The following COL13A1 variants were observed in gnomAD, a reference collection of about 807,000 sequenced individuals.
COL13A1 encodes collagen type XIII alpha 1 chain.
In COL13A1, 89 loss-of-function variants were observed where a neutral mutation model predicts 130.9. The ratio of observed to expected loss-of-function variants is 0.68; its 90% CI spans 0.57 to 0.81. The LOEUF (loss-of-function observed/expected upper bound fraction) is 0.81, where lower values mean the gene tolerates loss of function less well. Among genes scored for constraint, COL13A1 ranks in the 30% least tolerant of loss-of-function variants. COL13A1 has a pLI of 0.00. For synonymous variants in COL13A1, 402 were observed against 341.6 expected, an observed-to-expected ratio of 1.18 and a Z score of -1.95; for missense variants, 879 against 934.6, an observed-to-expected ratio of 0.94 and a Z score of 0.78.
At chr10:69,815,467 G>T (rs981080042) in intron 1 of COL13A1, among the ~76,000 whole-genome samples, 17 of 152,214 alleles carry the variant, frequency 1.1e-4, no homozygotes, top group Admixed American at 2.0e-4. Context: ...AAACAGGAAG[G>T]CTTCTCTGCC....
At chr10:69,912,766 C>T (rs1305102692) in intron 17 of COL13A1, among the ~76,000 whole-genome samples, 7 of 152,194 alleles carry the variant, frequency 4.6e-5, no homozygotes, top group Admixed American at 2.6e-4. Context: ...CGTAAAGCCC[C>T]CTTCCTTCCT....
intron 18 of COL13A1, among the ~76,000 whole-genome samples, chr10:69,917,593 A>G (rs1003929758): frequency 1.1e-4 from 17 of 152,076 alleles, no homozygotes; most frequent in Non-Finnish European, 2.9e-5. Flanking sequence ...CCAAGTGGAG[A>G]GTAGGGGCCC....
At chr10:69,869,703 T>G (rs1378964794) in intron 3 of COL13A1, among the ~76,000 whole-genome samples, 2 of 152,230 alleles carry the variant, frequency 1.3e-5, no homozygotes, top group Non-Finnish European at 2.9e-5. Flanking sequence ...TTTAACATAA[T>G]GCATTAGTCA....
intron 9 of COL13A1, 101 bp from the exon 10 acceptor site, chr10:69,889,313 G>GGGAGGAGCACGGGGGA: frequency 7.1e-6 from 6 of 845,724 alleles, no homozygotes; most frequent in South Asian, 7.0e-5. Flanking sequence ...AGCACGGGGG[G>GGGAGGAGCACGGGGGA]CAGGGAGGAG....
intron 3 of COL13A1, among the ~76,000 whole-genome samples, chr10:69,871,075 C>G (rs542291315): frequency 6.6e-6 from 1 of 152,228 alleles, no homozygotes; most frequent in African/African-American, 2.4e-5. Context: ...ACCCTCCTCA[C>G]CCTGGCGCGT....
chr10:69,936,872 A>G, intron 33 of COL13A1, 90 bp downstream of exon 33: 1 of 1,529,932 alleles, frequency 6.5e-7, no homozygotes, highest in Non-Finnish European at 9.0e-7. Flanking sequence ...TTTTCCTAGA[A>G]GGCATTAGGT....
At chr10:69,931,391 G>A (rs1159272430) in intron 30 of COL13A1, 1 of 341,328 alleles carries the variant, frequency 2.9e-6, no homozygotes, top group South Asian at 2.2e-5. Context: ...GACCCAGCCT[G>A]GGAGCAGGCA....
intron 2 of COL13A1, among the ~76,000 whole-genome samples, chr10:69,854,674 A>G (rs908543023): frequency 7.2e-5 from 11 of 152,100 alleles, no homozygotes; most frequent in African/African-American, 2.4e-4. Flanking sequence ...GAGACCTGCC[A>G]AGGATGCCAA....
chr10:69,831,315 A>G (rs1848768055), intron 2 of COL13A1, among the ~76,000 whole-genome samples: 1 of 152,140 alleles, frequency 6.6e-6, no homozygotes, highest in Admixed American at 6.5e-5. Context: ...GCTCAGCTGG[A>G]CTCTGACACC....
At chr10:69,949,950 G>GTGTGTGTGTGTGTGTGCA (rs1491413744) in intron 38 of COL13A1, among the ~76,000 whole-genome samples, 2,865 of 107,248 alleles carry the variant, frequency 0.027, 76 homozygotes, top group South Asian at 0.063. Flanking sequence ...GTGTGTGTGC[G>GTGTGTGTGTGTGTGTGCA]TGTGTTTGTG....
chr10:69,920,572 G>T lies in COL13A1; in HGVS notation c.1089+845G>T, dbSNP rs549362946. 3.9e-5 allele frequency among the ~76,000 whole-genome samples: 6 copies of T among 152,308 alleles called. No individual in the cohort carries two copies. The South Asian group carries it at 1.2e-3, about 32-fold the overall frequency. On this transcript the variant is annotated intron_variant, in intron 21 of 40. Coordinates refer to ENST00000645393, the MANE Select transcript of COL13A1 (RefSeq NM_001368882.1). ...ATAGGATTGGTGGCCCTAGAAGAAG[G>T]GGAAGAAAGAGAGAGACCTTTGAGA...
intron 27 of COL13A1, among the ~76,000 whole-genome samples, chr10:69,927,347 G>T (rs1330057946): frequency 6.6e-6 from 1 of 152,136 alleles, no homozygotes; most frequent in East Asian, 1.9e-4. Context: ...CTGTGTAAAG[G>T]CTCTTCACCA....
intron 33 of COL13A1, 107 bp from the exon 34 acceptor site, chr10:69,937,528 C>T: frequency 1.5e-6 from 1 of 645,618 alleles, no homozygotes; most frequent in African/African-American, 1.8e-5. Context: ...ACCCTGACCC[C>T]TCCTTCCTCT....
chr10:69,825,625 C>A (rs567340933), intron 2 of COL13A1, among the ~76,000 whole-genome samples: 1 of 152,214 alleles, frequency 6.6e-6, no homozygotes, highest in African/African-American at 2.4e-5. Flanking sequence ...CTGCCCACTG[C>A]GGTTGCTGAG....
intron 2 of COL13A1, among the ~76,000 whole-genome samples, chr10:69,842,916 A>G (rs61849208): frequency 6.6e-6 from 1 of 152,176 alleles, no homozygotes; most frequent in Non-Finnish European, 1.5e-5. Context: ...CAGCCTTTAC[A>G]TGCCTCCGGT....
intron 2 of COL13A1, among the ~76,000 whole-genome samples, chr10:69,835,054 G>T (rs998090047): frequency 6.6e-6 from 1 of 152,176 alleles, no homozygotes; most frequent in Non-Finnish European, 1.5e-5. Flanking sequence ...TTCTGCCCCA[G>T]GACATGCCCA....
rs2060943777 is a variant in COL13A1 at position 69,889,449 on chromosome 10, C to T, written c.603+9C>T. On this transcript the variant is annotated intron_variant, in intron 10 of 40. Coordinates refer to ENST00000645393, the MANE Select transcript of COL13A1 (RefSeq NM_001368882.1). Reference sequence around the variant, plus strand: ...GACCAAAGGGCGACATGGTAAGAGCCCAGCTTTCCTGCCTTCCCGAGATGG... The same window carrying T: ...GACCAAAGGGCGACATGGTAAGAGCTCAGCTTTCCTGCCTTCCCGAGATGG... 11 of 1,610,958 alleles carry T rather than the reference C, an allele frequency of 6.8e-6. No individual in the cohort carries two copies. The East Asian group carries it at 1.6e-4, about 23-fold the overall frequency.
chr10:69,929,604 C>G (rs1259511721), intron 28 of COL13A1, among the ~76,000 whole-genome samples: 1 of 152,184 alleles, frequency 6.6e-6, no homozygotes, highest in African/African-American at 2.4e-5. Context: ...CTTAACTCCC[C>G]ACCTGACCCA....
At chr10:69,843,780 T>C (rs1852254289) in intron 2 of COL13A1, among the ~76,000 whole-genome samples, 1 of 152,210 alleles carries the variant, frequency 6.6e-6, no homozygotes, top group Admixed American at 6.5e-5. Context: ...GTGAAGTCCA[T>C]TTGCTTCTGT....
Sources: allele counts gnomAD v4.1 joint callset (sites outside exome capture counted in the v4.1 genomes callset), GRCh38; gene constraint gnomAD v4.1.1; transcripts MANE v1.5; gene names NCBI Gene and HGNC (gene_info 2026-07-23, HGNC 2026-07-21).